UBR3: variants seen among roughly 807,000 people sequenced by gnomAD.
UBR3 encodes the protein ubiquitin protein ligase E3 component n-recognin 3, also known as E3 ubiquitin-protein ligase UBR3.
Under a neutral mutation model 243.2 loss-of-function variants are expected in UBR3, and 85 were observed. The ratio of observed to expected loss-of-function variants is 0.35; its 90% CI spans 0.29 to 0.42. The LOEUF is 0.42. Ranked by LOEUF, UBR3 falls within the 10% of genes least tolerant of loss-of-function variation. The pLI, the probability that UBR3 is intolerant of heterozygous loss-of-function variation, is 1.00. For synonymous variants in UBR3, 748 were observed against 799.8 expected (o/e 0.94, Z 1.09); for missense variants, 1,686 against 2,300.8 (o/e 0.73, Z 5.47).
At chr2:169,971,082 T>TGA (rs2105376181) in intron 24 of UBR3, among the ~76,000 whole-genome samples, 1 of 152,218 alleles carries the variant, frequency 6.6e-6, no homozygotes, top group East Asian at 1.9e-4. Flanking sequence ...CTGGTGATGA[T>TGA]GAGCATTTTT....
chr2:169,923,734 AACTTAT>A (rs1484550025), intron 11 of UBR3, among the ~76,000 whole-genome samples, 189 bp from the exon 12 acceptor site: 5 of 152,326 alleles, frequency 3.3e-5, no homozygotes, highest in Admixed American at 6.5e-5. Flanking sequence ...GCCTTCAAGA[AACTTAT>A]ACTTAAGTGT....
rs1467036793 is a variant in UBR3, at chr2:170,050,507, G to C, written c.4661-4953G>C. Among the ~76,000 whole-genome samples the C allele has an allele frequency of 1.2e-4, 18 of 152,278 alleles. No homozygotes were observed. In the East Asian group the frequency reaches 3.5e-3, roughly 29 times the overall value. ...AGATATACTCTACCTTGTCTTAAAA[G>C]AAACTACAGGTAGTTTGCTTCTAAG... On this transcript the variant is annotated intron_variant, in intron 32 of 38. Coordinates refer to ENST00000272793, the MANE Select transcript of UBR3 (RefSeq NM_172070.4).
intron 1 of UBR3, among the ~76,000 whole-genome samples, chr2:169,854,050 A>C (rs2082755083): frequency 6.6e-6 from 1 of 152,184 alleles, no homozygotes; most frequent in East Asian, 1.9e-4. Flanking sequence ...GGAGAGCATT[A>C]GGACAAATAC....
At chr2:170,049,129 C>A (rs2091157961) in intron 32 of UBR3, among the ~76,000 whole-genome samples, 1 of 152,264 alleles carries the variant, frequency 6.6e-6, no homozygotes, top group Non-Finnish European at 1.5e-5. Context: ...TTTGATTTCC[C>A]AAAAACTTAG....
At chr2:169,844,631 C>A (rs1280328845) in intron 1 of UBR3, among the ~76,000 whole-genome samples, 3 of 151,694 alleles carry the variant, frequency 2.0e-5, no homozygotes, top group African/African-American at 7.3e-5. Context: ...GTAGCTGGAA[C>A]TACAGGTGTG....
chr2:169,864,026 T>C (rs987122940), intron 1 of UBR3, among the ~76,000 whole-genome samples: 1 of 152,066 alleles, frequency 6.6e-6, no homozygotes, highest in African/African-American at 2.4e-5. Flanking sequence ...TTATGTATGG[T>C]GCTGTCAAAT....
At chr2:170,040,217 C>A (rs1191145247) in intron 31 of UBR3, among the ~76,000 whole-genome samples, 1 of 152,140 alleles carries the variant, frequency 6.6e-6, no homozygotes, top group Non-Finnish European at 1.5e-5. Context: ...CAGCCCGCTG[C>A]AGCCTTGACC....
chr2:169,912,194 C>T (rs2085279560), intron 10 of UBR3, among the ~76,000 whole-genome samples: 2 of 144,736 alleles, frequency 1.4e-5, no homozygotes, highest in South Asian at 2.2e-4. Flanking sequence ...TACGTGATGC[C>T]CCAAAATATC....
At chr2:170,026,867 C>T (rs919173960) in intron 30 of UBR3, among the ~76,000 whole-genome samples, 6 of 151,986 alleles carry the variant, frequency 3.9e-5, no homozygotes, top group Admixed American at 2.0e-4. Context: ...CTTCATCCTA[C>T]GTCTTTAATA....
chr2:170,004,948 G>T (rs753859445), intron 27 of UBR3, among the ~76,000 whole-genome samples: 3 of 152,080 alleles, frequency 2.0e-5, no homozygotes, highest in Non-Finnish European at 4.4e-5. Flanking sequence ...ACAAGGCTGG[G>T]CATGGTGGCT....
At chr2:169,831,143 T>A (rs1226693185) in intron 1 of UBR3, among the ~76,000 whole-genome samples, 71 of 94,810 alleles carry the variant, frequency 7.5e-4, no homozygotes, top group South Asian at 2.0e-3. Flanking sequence ...TTTTTTTTTT[T>A]TTTTTTTTTT....
intron 32 of UBR3, among the ~76,000 whole-genome samples, chr2:170,050,353 T>C (rs887722219): frequency 6.6e-6 from 1 of 152,200 alleles, no homozygotes; most frequent in Non-Finnish European, 1.5e-5. Context: ...AAGTGCTTTA[T>C]GGAAGCAGTG....
At chr2:169,907,874 C>T (rs568148956) in intron 10 of UBR3, among the ~76,000 whole-genome samples, 26 of 152,016 alleles carry the variant, frequency 1.7e-4, no homozygotes, top group South Asian at 8.3e-4. Flanking sequence ...TGGGTTCAAG[C>T]GATTCTTCTG....
chr2:169,887,230 C>T (rs2084135788), intron 5 of UBR3, among the ~76,000 whole-genome samples: 7 of 152,170 alleles, frequency 4.6e-5, no homozygotes, highest in Admixed American at 4.6e-4. Flanking sequence ...ACACATGTAG[C>T]AATAGTGCCT....
chr2:169,983,188 T>C (rs2088825411), intron 24 of UBR3, among the ~76,000 whole-genome samples: 1 of 151,450 alleles, frequency 6.6e-6, no homozygotes, highest in South Asian at 2.1e-4. Flanking sequence ...AGAGAGAAAC[T>C]ATGCAAGATC....
At chr2:170,057,652 T>C (rs1358573271) in intron 33 of UBR3, among the ~76,000 whole-genome samples, 2 of 152,180 alleles carry the variant, frequency 1.3e-5, no homozygotes, top group East Asian at 3.8e-4. Context: ...AGGAACATGA[T>C]GTAATTTAGG....
intron 24 of UBR3, among the ~76,000 whole-genome samples, chr2:169,975,860 ATATATCT>A (rs1374762857): frequency 7.2e-6 from 1 of 138,906 alleles, no homozygotes; most frequent in Non-Finnish European, 1.5e-5. Context: ...CTGGATCTGC[ATATATCT>A]GGATCTGCAA....
At chr2:170,055,413 C>A (rs1433475412) in intron 32 of UBR3, 47 bp from the exon 33 acceptor site, 1 of 1,594,940 alleles carries the variant, frequency 6.3e-7, no homozygotes, top group Non-Finnish European at 8.5e-7. Context: ...ATGTTGAGTA[C>A]AAAATATCTA....
chr2:170,023,369 T>C (rs1296134036), intron 30 of UBR3, among the ~76,000 whole-genome samples: 1 of 152,078 alleles, frequency 6.6e-6, no homozygotes, highest in Non-Finnish European at 1.5e-5. Flanking sequence ...TTTAGGTGCA[T>C]TTTAACAGTG....
Sources: gnomAD v4.1 joint callset for allele counts (sites outside exome capture counted in the v4.1 genomes callset) on GRCh38, gnomAD v4.1.1 for gene constraint, MANE v1.5 for transcripts, NCBI Gene and HGNC (gene_info 2026-07-23, HGNC 2026-07-21) for gene names.